GLIS3: variants seen among roughly 807,000 people sequenced by gnomAD.
GLIS3 encodes the protein GLIS family zinc finger 3.
GLIS3 carries 53 observed loss-of-function variants against 78.6 expected under a neutral mutation model. The ratio of observed to expected loss-of-function variants is 0.67; its 90% CI spans 0.54 to 0.85. The LOEUF (loss-of-function observed/expected upper bound fraction) is 0.85. GLIS3 is among the 40% of genes least tolerant of loss of function. GLIS3 has a pLI of 0.00. For synonymous variants in GLIS3, 684 were observed against 509.9 expected, an observed-to-expected ratio of 1.34 and a Z score of -4.60; for missense variants, 1,703 against 1,231.1, an observed-to-expected ratio of 1.38 and a Z score of -5.74.
intron 8 of GLIS3, among the ~76,000 whole-genome samples, chr9:3,877,474 T>C (rs1407334448): frequency 6.6e-6 from 1 of 152,190 alleles, no homozygotes; most frequent in Admixed American, 6.5e-5. Flanking sequence ...ATCAGACATA[T>C]CCACATGGAT....
the GLIS3 span, among the ~76,000 whole-genome samples, chr9:4,382,826 A>G: frequency 1.3e-5 from 2 of 152,192 alleles, no homozygotes; most frequent in African/African-American, 4.8e-5. Flanking sequence ...TAAGCAGACC[A>G]TAAAAATCTG....
chr9:3,882,066 A>G (rs774353631), intron 7 of GLIS3, among the ~76,000 whole-genome samples: 13 of 152,216 alleles, frequency 8.5e-5, no homozygotes, highest in Admixed American at 7.9e-4. Context: ...TTCTTCTCTT[A>G]GCGGGCAATT....
chr9:4,308,416 C>A (rs1817283535), intron 4 of GLIS3, among the ~76,000 whole-genome samples: 1 of 151,990 alleles, frequency 6.6e-6, no homozygotes, highest in Non-Finnish European at 1.5e-5. Context: ...AGGAAGGGCG[C>A]TGGAGGAGGA....
chr9:3,840,995 T>G (rs145265117), intron 9 of GLIS3, among the ~76,000 whole-genome samples: 35 of 152,086 alleles, frequency 2.3e-4, no homozygotes, highest in African/African-American at 8.4e-4. Flanking sequence ...TACTCACATC[T>G]GCAAAAGGTT....
intron 2 of GLIS3, among the ~76,000 whole-genome samples, chr9:4,205,010 T>C (rs190420992): frequency 6.6e-5 from 10 of 151,312 alleles, no homozygotes; most frequent in Admixed American, 5.9e-4. Context: ...AAACCCCGTC[T>C]CTATTAACTA....
chr9:4,454,808 G>C, the GLIS3 span, among the ~76,000 whole-genome samples: 1 of 152,098 alleles, frequency 6.6e-6, no homozygotes, highest in African/African-American at 2.4e-5. Context: ...CATATAGTTG[G>C]AGGTGATACA....
intron 8 of GLIS3, among the ~76,000 whole-genome samples, chr9:3,863,182 C>T (rs939931251): frequency 2.0e-5 from 3 of 152,204 alleles, no homozygotes; most frequent in Non-Finnish European, 4.4e-5. Flanking sequence ...GTCTTTATAA[C>T]GATTTATGAA....
At chr9:4,099,336 T>C (rs1830191346) in intron 4 of GLIS3, among the ~76,000 whole-genome samples, 1 of 152,210 alleles carries the variant, frequency 6.6e-6, no homozygotes, top group Non-Finnish European at 1.5e-5. Context: ...GCCTCTCTGC[T>C]AGTTTCTGGT....
At chr9:4,010,508 T>C (rs1393157352) in intron 4 of GLIS3, among the ~76,000 whole-genome samples, 3 of 152,008 alleles carry the variant, frequency 2.0e-5, no homozygotes, top group African/African-American at 4.8e-5. Flanking sequence ...GGCATCTGTG[T>C]ACAAATTGGA....
chr9:4,047,610 C>T (rs1825359600), intron 4 of GLIS3, among the ~76,000 whole-genome samples: 1 of 152,102 alleles, frequency 6.6e-6, no homozygotes, highest in South Asian at 2.1e-4. Flanking sequence ...GCTAGAGATG[C>T]ATAAGTGACT....
chr9:4,093,557 C>T (rs983653615), intron 4 of GLIS3, among the ~76,000 whole-genome samples: 5 of 152,166 alleles, frequency 3.3e-5, no homozygotes, highest in Non-Finnish European at 5.9e-5. Context: ...TTTTCTAGCA[C>T]ATTTTAAACT....
chr9:4,194,288 G>A (rs533331918), intron 2 of GLIS3, among the ~76,000 whole-genome samples: 1 of 152,242 alleles, frequency 6.6e-6, no homozygotes, highest in Admixed American at 6.5e-5. Flanking sequence ...TCAAACTCCT[G>A]AGCTCAGGCA....
chr9:4,246,506 T>A (rs1462926336), intron 2 of GLIS3, among the ~76,000 whole-genome samples: 2 of 152,208 alleles, frequency 1.3e-5, no homozygotes, highest in Non-Finnish European at 2.9e-5. Flanking sequence ...CTAAGTGACA[T>A]CTGCAGTTGT....
At position 4,247,527 on chromosome 9, in the gene GLIS3, GC is replaced by G. The variant is rs554909660; in HGVS notation, c.388+38510del. ...TGGGGGTTAACAGACTGTCTCTAAA[GC>G]CCATCCACAGATTCCCTAGGAATGT... On this transcript the variant is annotated intron_variant, in intron 2 of 10. Coordinates refer to ENST00000381971, the MANE Select transcript of GLIS3 (RefSeq NM_001042413.2). Among the ~76,000 whole-genome samples the G allele has an allele frequency of 7.5e-3, 1,143 of 152,166 alleles. 7 individuals carry two copies. The highest frequency in any genetic ancestry group is 0.011 in the Non-Finnish European group (774 of 68,012).
chr9:4,073,882 C>T (rs752771665), intron 4 of GLIS3, among the ~76,000 whole-genome samples: 1 of 152,186 alleles, frequency 6.6e-6, no homozygotes, highest in South Asian at 2.1e-4. Flanking sequence ...AGTAATTGCT[C>T]TGTGTGTGTC....
At chr9:4,382,915 G>C in the GLIS3 span, among the ~76,000 whole-genome samples, 2 of 152,108 alleles carry the variant, frequency 1.3e-5, no homozygotes, top group Non-Finnish European at 2.9e-5. Flanking sequence ...TAATATTTCT[G>C]GCCCAGGGAA....
chr9:4,473,460 C>CAAAAAAAAAAAAAAAAAAAAAAAAAA, the GLIS3 span, among the ~76,000 whole-genome samples: 11 of 131,262 alleles, frequency 8.4e-5, no homozygotes, highest in Admixed American at 2.5e-4. Context: ...ACAACAACAA[C>CAAAAAAAAAAAAAAAAAAAAAAAAAA]AAAAAAAAAG....
chr9:3,941,256 G>A (rs1815887411), intron 4 of GLIS3, among the ~76,000 whole-genome samples: 1 of 152,152 alleles, frequency 6.6e-6, no homozygotes, highest in South Asian at 2.1e-4. Flanking sequence ...ACCATCCTAG[G>A]ATGGAAGAGG....
Position 3,952,343 on chromosome 9 carries a change from C to T in GLIS3, c.1711-15154G>A, listed in dbSNP as rs566132087. Among the ~76,000 whole-genome samples, 22 of 152,258 alleles carry T rather than the reference C, an allele frequency of 1.4e-4. No homozygotes were observed. In the South Asian group the frequency reaches 4.1e-3, roughly 29 times the overall value. On this transcript the variant is annotated intron_variant, in intron 4 of 10. Transcript: ENST00000381971. ...TCCGCTTCCTTGTGGCTGATTTGAA[C>T]CAGAAGCCCCCCCAGAGGCACCACC...
Sources: gnomAD v4.1 joint callset for allele counts (sites outside exome capture counted in the v4.1 genomes callset) on GRCh38, gnomAD v4.1.1 for gene constraint, MANE v1.5 for transcripts, NCBI Gene and HGNC (gene_info 2026-07-23, HGNC 2026-07-21) for gene names.